The following FOXN3 variants were observed in gnomAD, a reference collection of about 807,000 sequenced individuals.
FOXN3 encodes forkhead box N3.
FOXN3 carries 7 observed loss-of-function variants against 38.4 expected under a neutral mutation model. The ratio of observed to expected loss-of-function variants is 0.18; its 90% confidence interval spans 0.10 to 0.34. The LOEUF (loss-of-function observed/expected upper bound fraction) is 0.34, where lower values mean the gene tolerates loss of function less well. FOXN3 is among the 10% of genes least tolerant of loss of function. The pLI, the probability that FOXN3 is intolerant of heterozygous loss-of-function variation, is 1.00. For missense variants in FOXN3, 456 were observed against 613.4 expected, an observed-to-expected ratio of 0.74 and a Z score of 2.71; for synonymous variants, 230 against 242.2, an observed-to-expected ratio of 0.95 and a Z score of 0.47.
At chr14:89,464,761 G>A (rs111834766) in intron 1 of FOXN3, among the ~76,000 whole-genome samples, 1,654 of 152,104 alleles carry the variant, frequency 0.011, 18 homozygotes, top group East Asian at 0.032. Context: ...ACAATGGCAC[G>A]ATCTCAGCTC....
At chr14:89,211,997 G>A (rs1884109280) in intron 4 of FOXN3, among the ~76,000 whole-genome samples, 1 of 152,072 alleles carries the variant, frequency 6.6e-6, no homozygotes, top group African/African-American at 2.4e-5. Flanking sequence ...AGTAGCATAA[G>A]TAGTGACCAC....
chr14:89,434,846 C>A (rs549458543), intron 1 of FOXN3, among the ~76,000 whole-genome samples: 2 of 152,312 alleles, frequency 1.3e-5, no homozygotes, highest in African/African-American at 2.4e-5. Flanking sequence ...AACTATGTAT[C>A]TTGTTCTTTG....
chr14:89,550,954 T>G (rs1468314593), intron 1 of FOXN3, among the ~76,000 whole-genome samples: 1 of 152,186 alleles, frequency 6.6e-6, no homozygotes, highest in Non-Finnish European at 1.5e-5. Context: ...AGAAACAGTC[T>G]TCTACTTCTT....
intron 3 of FOXN3, among the ~76,000 whole-genome samples, chr14:89,304,778 G>A (rs17125643): frequency 0.019 from 2,918 of 152,028 alleles, 98 homozygotes; most frequent in African/African-American, 0.067. Context: ...GTGTCTCCCA[G>A]ACCTTCTGCA....
rs577444462 is a variant in FOXN3, at chr14:89,551,074, G to A, written c.-15+67954C>T. On this transcript the variant is annotated intron_variant, in intron 1 of 6. Coordinates refer to the FOXN3 transcript ENST00000345097. ...ACATCTTATCAGCCTTTGAAGTTAC[G>A]CACAATGACATCCTTTGGTTCCTTG... 9.2e-5 allele frequency among the ~76,000 whole-genome samples: 14 copies of A among 152,274 alleles called. No individual in the cohort carries two copies. In the South Asian group the frequency reaches 2.7e-3, roughly 29 times the overall value.
At chr14:89,239,592 C>T (rs1216637324) in intron 4 of FOXN3, among the ~76,000 whole-genome samples, 1 of 152,222 alleles carries the variant, frequency 6.6e-6, no homozygotes, top group Non-Finnish European at 1.5e-5. Context: ...ATGGCCTGCA[C>T]ACCAAATTGC....
At chr14:89,286,798 G>C (rs1006669348) in intron 3 of FOXN3, among the ~76,000 whole-genome samples, 2 of 152,176 alleles carry the variant, frequency 1.3e-5, no homozygotes, top group African/African-American at 4.8e-5. Context: ...ACAGAGACGT[G>C]TGTGGGAAGC....
chr14:89,463,726 A>G (rs1475195057), intron 1 of FOXN3, among the ~76,000 whole-genome samples: 1 of 151,980 alleles, frequency 6.6e-6, no homozygotes, highest in Non-Finnish European at 1.5e-5. Flanking sequence ...GGCTCCCCCA[A>G]AAGTTTGGCT....
intron 2 of FOXN3, among the ~76,000 whole-genome samples, chr14:89,394,061 G>A (rs1040164505): frequency 1.3e-5 from 2 of 152,024 alleles, no homozygotes; most frequent in African/African-American, 4.8e-5. Context: ...GGGAGTGGGA[G>A]AGAGAGAAAG....
intron 1 of FOXN3, among the ~76,000 whole-genome samples, chr14:89,466,915 T>C (rs923029962): frequency 5.9e-5 from 9 of 152,206 alleles, no homozygotes; most frequent in Non-Finnish European, 1.2e-4. Context: ...GGAGAACATC[T>C]GAATCTTCAT....
intron 3 of FOXN3, among the ~76,000 whole-genome samples, chr14:89,318,271 G>A (rs1887792528): frequency 6.7e-6 from 1 of 148,538 alleles, no homozygotes; most frequent in South Asian, 2.1e-4. Context: ...TGATTCTCTT[G>A]CTTCAGCCAC....
At chr14:89,265,927 G>A (rs1885966344) in intron 4 of FOXN3, among the ~76,000 whole-genome samples, 1 of 152,174 alleles carries the variant, frequency 6.6e-6, no homozygotes, top group African/African-American at 2.4e-5. Context: ...GGGAATGCCT[G>A]AAACAGCCTT....
chr14:89,341,548 T>C (rs2099512076), intron 3 of FOXN3, among the ~76,000 whole-genome samples: 1 of 152,208 alleles, frequency 6.6e-6, no homozygotes. Context: ...ATCTCCCTCC[T>C]TTGTTAATCT....
intron 4 of FOXN3, among the ~76,000 whole-genome samples, chr14:89,236,731 T>C (rs1416316199): frequency 3.3e-5 from 5 of 152,190 alleles, no homozygotes; most frequent in African/African-American, 1.2e-4. Context: ...TCCCCAAAGA[T>C]TAAAAATGCT....
rs560457954 is a variant in FOXN3, at chr14:89,351,525, G to C, written c.544-717C>G. Among the ~76,000 whole-genome samples the C allele has an allele frequency of 3.3e-5, 5 of 152,312 alleles. No homozygotes were observed. The South Asian group carries it at 8.3e-4, about 25-fold the overall frequency. ...ATTTTCTAAAACCGTTCTGTGGAGA[G>C]AGGGAGGCTTCCTGTGAGGCCCACT... On this transcript the variant is annotated intron_variant, in intron 2 of 5. Transcript: ENST00000557258.
chr14:89,199,269 C>T (rs1285832050), intron 4 of FOXN3, among the ~76,000 whole-genome samples: 1 of 152,146 alleles, frequency 6.6e-6, no homozygotes, highest in Admixed American at 6.5e-5. Context: ...CACAGTGAGA[C>T]AGGAGACAAA....
At chr14:89,581,612 G>A (rs759773315) in intron 1 of FOXN3, among the ~76,000 whole-genome samples, 20 of 152,146 alleles carry the variant, frequency 1.3e-4, no homozygotes, top group Non-Finnish European at 1.9e-4. Context: ...AACCAAGTGG[G>A]ACCACAGGAG....
At chr14:89,546,329 C>CTTTTTTTTTTT (rs1157998619) in intron 1 of FOXN3, among the ~76,000 whole-genome samples, 1,066 of 78,214 alleles carry the variant, frequency 0.014, 153 homozygotes, top group Non-Finnish European at 0.018. Context: ...TTTCCTTTTT[C>CTTTTTTTTTTT]TTTTTTTTTT....
chr14:89,549,666 G>A (rs943992053), intron 1 of FOXN3, among the ~76,000 whole-genome samples: 10 of 152,160 alleles, frequency 6.6e-5, no homozygotes, highest in Admixed American at 6.5e-5. Context: ...AGACTTCAAC[G>A]TTTCCATCTG....
Sources: allele counts gnomAD v4.1 joint callset (sites outside exome capture counted in the v4.1 genomes callset), GRCh38; gene constraint gnomAD v4.1.1; transcripts MANE v1.5; gene names NCBI Gene and HGNC (gene_info 2026-07-23, HGNC 2026-07-21).